Variants in TMEM50B observed in about 807,000 individuals in gnomAD.
TMEM50B encodes transmembrane protein 50B.
In TMEM50B, 14 loss-of-function variants were observed where a neutral mutation model predicts 23.4. That is an observed-to-expected ratio of 0.60 (90% CI 0.39 to 0.93). The LOEUF (loss-of-function observed/expected upper bound fraction) is 0.93. TMEM50B is among the 40% of genes least tolerant of loss of function. TMEM50B has a pLI of 0.00. For missense variants in TMEM50B, 159 were observed against 193.0 expected (o/e 0.82, Z 1.04); for synonymous variants, 64 against 62.3 (o/e 1.03, Z -0.13).
rs548564312 is a variant in TMEM50B, at chr21:33,474,469, G to A, written c.-42+5369C>T. Among the ~76,000 whole-genome samples, 106 of 151,156 alleles carry A rather than the reference G, an allele frequency of 7.0e-4. No homozygotes were observed. In the Middle Eastern group the frequency reaches 0.02, roughly 29 times the overall value. ...CTTCAAGCTGAAAGGAATGATACCCGATGAAACTGAGACCTACAAGAAAAA... is the reference window on the plus strand; with the variant it reads ...CTTCAAGCTGAAAGGAATGATACCCAATGAAACTGAGACCTACAAGAAAAA... On this transcript the variant is annotated intron_variant, in intron 1 of 6. Transcript: ENST00000542230.
At chr21:33,454,951 T>C (rs1286742644) in intron 6 of TMEM50B, among the ~76,000 whole-genome samples, 1 of 151,978 alleles carries the variant, frequency 6.6e-6, no homozygotes, top group Non-Finnish European at 1.5e-5. Context: ...ACCTCGTCTC[T>C]ACTAAAATAC....
At chr21:33,442,759 A>T (rs2084018967) in intron 7 of TMEM50B, among the ~76,000 whole-genome samples, 1 of 152,104 alleles carries the variant, frequency 6.6e-6, no homozygotes, top group African/African-American at 2.4e-5. Context: ...CGTCTCTACT[A>T]AAAATACAAA....
intron 4 of TMEM50B, among the ~76,000 whole-genome samples, chr21:33,464,419 C>T (rs1215126970): frequency 6.7e-6 from 1 of 149,764 alleles, no homozygotes; most frequent in Non-Finnish European, 1.5e-5. Context: ...GGGCTGGTCT[C>T]GAACTCCTGA....
chr21:33,465,888 A>G (rs931317754), intron 3 of TMEM50B, among the ~76,000 whole-genome samples: 1 of 152,180 alleles, frequency 6.6e-6, no homozygotes, highest in Non-Finnish European at 1.5e-5. Context: ...AGAGCAAGGT[A>G]CATTAATTAG....
chr21:33,438,692 G>A (rs1035359403), intron 8 of TMEM50B, among the ~76,000 whole-genome samples: 14 of 151,626 alleles, frequency 9.2e-5, no homozygotes, highest in Non-Finnish European at 1.6e-4. Context: ...CAGCTACATG[G>A]GAGGCAGTTG....
chr21:33,467,150 C>T (rs1310785462), intron 2 of TMEM50B, 28 bp from the exon 3 acceptor site: 4 of 1,563,954 alleles, frequency 2.6e-6, no homozygotes, highest in South Asian at 1.1e-5. Flanking sequence ...GTCACTGAAA[C>T]ATTAAAACTC....
intron 8 of TMEM50B, among the ~76,000 whole-genome samples, chr21:33,437,877 G>A (rs1392106449): frequency 6.6e-6 from 1 of 151,530 alleles, no homozygotes; most frequent in African/African-American, 2.4e-5. Context: ...CCAGCTACTT[G>A]AGAGGCTAAA....
chr21:33,435,934 G>A (rs1041123431), intron 8 of TMEM50B, among the ~76,000 whole-genome samples: 4 of 147,544 alleles, frequency 2.7e-5, no homozygotes, highest in African/African-American at 1.0e-4. Flanking sequence ...GTGCACGCCT[G>A]CAATCCTAGC....
chr21:33,439,846 G>C (rs897643360), intron 7 of TMEM50B, among the ~76,000 whole-genome samples: 26 of 151,004 alleles, frequency 1.7e-4, no homozygotes, highest in African/African-American at 6.3e-4. Flanking sequence ...AGGAGTTTGA[G>C]ACAAGCCTGG....
chr21:33,436,120 G>C (rs1341621664), intron 8 of TMEM50B, among the ~76,000 whole-genome samples: 2 of 151,762 alleles, frequency 1.3e-5, no homozygotes, highest in Non-Finnish European at 1.5e-5. Flanking sequence ...CACTTTGGGA[G>C]GCCGAGGCGG....
At chr21:33,452,503 C>T (rs2084131157) in intron 6 of TMEM50B, among the ~76,000 whole-genome samples, 1 of 152,182 alleles carries the variant, frequency 6.6e-6, no homozygotes, top group Admixed American at 6.6e-5. Flanking sequence ...GAAGAGAGTT[C>T]ATACTCTCAC....
At chr21:33,476,307 T>G (rs1331496702) in intron 1 of TMEM50B, among the ~76,000 whole-genome samples, 1 of 149,906 alleles carries the variant, frequency 6.7e-6, no homozygotes, top group Non-Finnish European at 1.5e-5. Context: ...TGCTTGAACC[T>G]GGGAGATGGA....
At chr21:33,443,750 GA>G (rs1482818921) in intron 7 of TMEM50B, among the ~76,000 whole-genome samples, 1 of 152,162 alleles carries the variant, frequency 6.6e-6, no homozygotes, top group East Asian at 1.9e-4. Context: ...TGTTTGGGGG[GA>G]AATATACACA....
chr21:33,470,940 T>G (rs969899343), intron 1 of TMEM50B, among the ~76,000 whole-genome samples: 1 of 152,038 alleles, frequency 6.6e-6, no homozygotes, highest in Non-Finnish European at 1.5e-5. Context: ...CTGTTCCCCT[T>G]AGGAACCCCA....
chr21:33,456,194 G>A, intron 5 of TMEM50B: 1 of 445,304 alleles, frequency 2.2e-6, no homozygotes, highest in South Asian at 1.7e-5. Flanking sequence ...GGTTTTTTGT[G>A]TTTGTTTTTA....
intron 8 of TMEM50B, chr21:33,437,340 C>T (rs775802251): frequency 2.0e-5 from 5 of 250,280 alleles, no homozygotes; most frequent in Non-Finnish European, 4.0e-5. Context: ...GCAAATGAGC[C>T]GGAGCCCCTT....
chr21:33,452,960 C>A (rs1206186143), intron 6 of TMEM50B, among the ~76,000 whole-genome samples: 1 of 151,912 alleles, frequency 6.6e-6, no homozygotes, highest in Non-Finnish European at 1.5e-5. Context: ...TTTTAAAGAC[C>A]CAATCAAGCT....
chr21:33,440,068 G>A (rs2083994620), intron 7 of TMEM50B, among the ~76,000 whole-genome samples: 3 of 151,974 alleles, frequency 2.0e-5, no homozygotes, highest in Admixed American at 2.0e-4. Context: ...GTCAAGCTAA[G>A]TACATTGTCA....
chr21:33,471,759 G>A (rs549622979), intron 1 of TMEM50B, among the ~76,000 whole-genome samples: 8 of 152,236 alleles, frequency 5.3e-5, no homozygotes, highest in Non-Finnish European at 8.8e-5. Context: ...CTAGGGGCTG[G>A]GCGCAGTGGC....
Sources: gnomAD v4.1 joint callset for allele counts (sites outside exome capture counted in the v4.1 genomes callset) on GRCh38, gnomAD v4.1.1 for gene constraint, MANE v1.5 for transcripts, NCBI Gene and HGNC (gene_info 2026-07-23, HGNC 2026-07-21) for gene names.